Variants in EPB41L1 observed in about 807,000 individuals in gnomAD.
EPB41L1 encodes erythrocyte membrane protein band 4.1 like 1.
In EPB41L1, 29 loss-of-function variants were observed where a neutral mutation model predicts 97.8. That is an observed-to-expected ratio of 0.30 (90% CI 0.22 to 0.40). The LOEUF (loss-of-function observed/expected upper bound fraction) is 0.40. Among genes scored for constraint, EPB41L1 ranks in the 10% least tolerant of loss-of-function variants. The pLI, the probability that EPB41L1 is intolerant of heterozygous loss-of-function variation, is 1.00. For missense variants in EPB41L1, 812 were observed against 1,162.3 expected (o/e 0.70, Z 4.38); for synonymous variants, 383 against 459.2 (o/e 0.83, Z 2.12).
chr20:36,142,524 T>C (rs887720237), intron 2 of EPB41L1, among the ~76,000 whole-genome samples: 15 of 152,348 alleles, frequency 9.8e-5, no homozygotes, highest in South Asian at 2.1e-4. Context: ...AACCAGTTGA[T>C]AGCTGCATTG....
At chr20:36,163,533 T>TTCTGACA (rs2060616571) in intron 1 of EPB41L1, among the ~76,000 whole-genome samples, 1 of 152,202 alleles carries the variant, frequency 6.6e-6, no homozygotes, top group Admixed American at 6.5e-5. Flanking sequence ...GAGCATCAGG[T>TTCTGACA]GGTGGATCAG....
chr20:36,207,480 T>C lies in EPB41L1; in HGVS notation c.1669-2008T>C. ...TTCGGATATTTGAGACCCACGGAGC[T>C]GAAACTCGCCGAATGAGTGAGGGTG... is the stretch of plus-strand genomic sequence containing the variant. On this transcript the variant is annotated intron_variant, in intron 14 of 21. Coordinates refer to ENST00000338074, the MANE Select transcript of EPB41L1 (RefSeq NM_012156.2). This position sits in a 1 kb window ranked among gnomAD's most constrained non-coding sequence, Gnocchi z 4.9. 1 of 1,289,842 alleles carries C rather than the reference T, an allele frequency of 7.8e-7. No homozygotes were observed. The highest frequency in any genetic ancestry group is 1.0e-6 in the Non-Finnish European group (1 of 988,866). The allele number at this position is 1,289,842 out of a possible 1,614,324, so 79.9% of individuals were successfully genotyped here. A position where few individuals can be genotyped will look rare whatever the true frequency, so the allele number is the denominator to read the frequency against.
rs1451317449 is a variant in EPB41L1 at position 36,179,201 on chromosome 20, G to A, written c.490+529G>A. 4.0e-5 allele frequency among the ~76,000 whole-genome samples: 6 copies of A among 151,754 alleles called. No individual in the cohort carries two copies. In the South Asian group the frequency reaches 6.3e-4, roughly 16 times the overall value. ...AGTCTAAGGCCCAGAGAAGAGAGACGACTGTGCAGAGTCACACAGCAGGTT... is the reference window on the plus strand; with the variant it reads ...AGTCTAAGGCCCAGAGAAGAGAGACAACTGTGCAGAGTCACACAGCAGGTT... On this transcript the variant is annotated intron_variant, in intron 5 of 21. Coordinates refer to ENST00000338074, the MANE Select transcript of EPB41L1 (RefSeq NM_012156.2).
intron 21 of EPB41L1, among the ~76,000 whole-genome samples, chr20:36,224,088 G>C (rs1272799156): frequency 6.6e-6 from 1 of 152,154 alleles, no homozygotes; most frequent in Non-Finnish European, 1.5e-5. Context: ...GCTAACCTCT[G>C]GTCTGGACTA....
Position 36,175,541 on chromosome 20 carries a change from G to A in EPB41L1, c.178-10G>A. 1 of 1,614,160 alleles carries A rather than the reference G, an allele frequency of 6.2e-7. No homozygotes were observed. The highest frequency in any genetic ancestry group is 8.5e-7 in the Non-Finnish European group (1 of 1,180,018). ...CACTGAGCAAACTATTCCCTTGCTT[G>A]GTCCTGCAGAGCCTAGACATGGAGG... On this transcript the variant is annotated splice_polypyrimidine_tract_variant and intron_variant, in intron 2 of 21. Coordinates refer to ENST00000338074, the MANE Select transcript of EPB41L1 (RefSeq NM_012156.2).
At chr20:36,168,496 G>A (rs774543634) in intron 1 of EPB41L1, among the ~76,000 whole-genome samples, 15 of 150,896 alleles carry the variant, frequency 9.9e-5, no homozygotes, top group African/African-American at 1.5e-4. Context: ...TAGACCCTAC[G>A]TCTCAGGCTT....
At chr20:36,184,621 T>C (rs2146199874) in intron 6 of EPB41L1, among the ~76,000 whole-genome samples, 1 of 152,256 alleles carries the variant, frequency 6.6e-6, no homozygotes, top group East Asian at 1.9e-4. Flanking sequence ...CTCTAAGGCC[T>C]GGGTATGAAA....
At position 36,207,271 on chromosome 20, in the gene EPB41L1, G is replaced by A; in HGVS notation, c.1669-2217G>A. Reference sequence around the variant, plus strand: ...GTTTGTGGTGTCCCCTGCCACAGGAGGTGAGCGCAGGCCTCCTCCCATCAC... The same window carrying A: ...GTTTGTGGTGTCCCCTGCCACAGGAAGTGAGCGCAGGCCTCCTCCCATCAC... On this transcript the variant is annotated intron_variant, in intron 14 of 21. Transcript: ENST00000338074. The surrounding 1 kb of genome is among the most constrained non-coding windows in gnomAD (Gnocchi z 4.9). 1 of 1,278,278 alleles carries A rather than the reference G, an allele frequency of 7.8e-7. No individual in the cohort carries two copies. The highest frequency in any genetic ancestry group is 1.0e-6 in the Non-Finnish European group (1 of 981,824). 79.2% of individuals were successfully genotyped at this position (1,278,278 alleles called of 1,614,324 possible).
rs1470504744 is a variant in EPB41L1, at chr20:36,195,885, GC to G, written c.1485+523del. Among the ~76,000 whole-genome samples the G allele has an allele frequency of 6.6e-6, 1 of 152,144 alleles. No homozygotes were observed. Among genetic ancestry groups the G allele is most frequent in the African/African-American group, 2.4e-5 (1 of 41,446 alleles). On this transcript the variant is annotated intron_variant, in intron 13 of 21. Coordinates refer to ENST00000338074, the MANE Select transcript of EPB41L1 (RefSeq NM_012156.2). This position sits in a 1 kb window ranked among gnomAD's most constrained non-coding sequence, Gnocchi z 4.6. ...GGGATTGGGGGTGGGGGAGGGAGGT[GC>G]CTCAGAGCACACCTGCATCTGCCCC...
At position 36,232,643 on chromosome 20, in the gene EPB41L1, A is replaced by G. The variant is rs1370893211; in HGVS notation, c.*3303A>G. 1.0e-5 allele frequency: 4 copies of G among 398,618 alleles called. No individual in the cohort carries two copies. The highest frequency in any genetic ancestry group is 2.1e-5 in the African/African-American group (1 of 48,456). The allele number at this position is 398,618 out of a possible 1,614,324, so 24.7% of individuals were successfully genotyped here. ...TTTTTTTTTCAAAAGCACCTTAACAACCAATTGCGATGCTGTCCTGTTCCT... is the reference window on the plus strand; with the variant it reads ...TTTTTTTTTCAAAAGCACCTTAACAGCCAATTGCGATGCTGTCCTGTTCCT... On this transcript the variant is annotated 3_prime_UTR_variant, in exon 22 of 22. Coordinates refer to ENST00000338074, the MANE Select transcript of EPB41L1 (RefSeq NM_012156.2).
rs1200283149 is a variant in EPB41L1 at position 36,219,672 on chromosome 20, C to T, written c.2356-89C>T. On this transcript the variant is annotated intron_variant, in intron 18 of 21. Coordinates refer to ENST00000338074, the MANE Select transcript of EPB41L1 (RefSeq NM_012156.2). The stretch of plus-strand genomic sequence containing the variant: ...TCTTGGCTTCGAAACGTCACCTTCA[C>T]AGAGCCCTTTACCCCACCCCGCCCT... 2.7e-5 allele frequency: 30 copies of T among 1,101,724 alleles called. No individual in the cohort carries two copies. The South Asian group carries it at 2.7e-4, about 10-fold the overall frequency. The allele number at this position is 1,101,724 out of a possible 1,614,324, so 68.2% of individuals were successfully genotyped here. A position where few individuals can be genotyped will look rare whatever the true frequency, so the allele number is the denominator to read the frequency against.
chr20:36,140,419 A>G (rs2059595944), intron 2 of EPB41L1, among the ~76,000 whole-genome samples: 1 of 152,064 alleles, frequency 6.6e-6, no homozygotes, highest in South Asian at 2.1e-4. Flanking sequence ...ATACACTTGG[A>G]TGTCAGACAC....
Position 36,137,370 on chromosome 20 carries a change from T to C in EPB41L1, c.-10+24890T>C, listed in dbSNP as rs576743253. Among the ~76,000 whole-genome samples, 125 of 148,918 alleles carry C rather than the reference T, an allele frequency of 8.4e-4. 1 individual carries two copies. Among genetic ancestry groups the C allele is most frequent in the African/African-American group, 2.9e-3 (116 of 40,380 alleles). On this transcript the variant is annotated intron_variant, in intron 2 of 19. Coordinates refer to the EPB41L1 transcript ENST00000202028. ...GGACTATAGGCATGAGCCACTGCGC[T>C]GGGGCAGCTAATTAAAAAAAATTTT...
At chr20:36,131,734 C>T (rs1360168376) in intron 2 of EPB41L1, among the ~76,000 whole-genome samples, 1 of 152,166 alleles carries the variant, frequency 6.6e-6, no homozygotes, top group Admixed American at 6.5e-5. Flanking sequence ...GCTGATCTCT[C>T]ACCACCTAGT....
chr20:36,222,427 A>G (rs1388047234), intron 21 of EPB41L1, 33 bp downstream of exon 21: 2 of 1,552,364 alleles, frequency 1.3e-6, no homozygotes, highest in Admixed American at 1.7e-5. Flanking sequence ...ACCATGAGAG[A>G]GAGGAGGGAG....
intron 19 of EPB41L1, among the ~76,000 whole-genome samples, chr20:36,221,604 C>G (rs2063784344): frequency 6.6e-6 from 1 of 152,218 alleles, no homozygotes; most frequent in Non-Finnish European, 1.5e-5. Context: ...CATTGCCAAC[C>G]AGGGTCTGAG....
In EPB41L1 at chr20:36,185,255, C is replaced by G. The variant is rs148438227; in HGVS notation, c.705C>G (p.Asn235Lys). The G allele has an allele frequency of 7.4e-6, 12 of 1,613,852 alleles. No homozygotes were observed. Among genetic ancestry groups the G allele is most frequent in the Non-Finnish European group, 1.0e-5 (12 of 1,180,054 alleles). ...GDYDAEEHVG[N>K]YVSELRFAPN... The stretch of plus-strand genomic sequence containing the variant: ...ATGATGCTGAGGAGCATGTGGGCAA[C>G]TATGTCAGCGAGCTCCGCTTCGCCC... Residue 235 changes from asparagine (N) to lysine (K), a missense_variant, in exon 7 of 22, where the codon AAC becomes AAG. Physicochemically the swap from Asn to Lys is moderately conservative, Grantham distance 94. Transcript: ENST00000338074.
rs1364916507 is a variant in EPB41L1, at chr20:36,207,553, C to A, written c.1669-1935C>A. ...CGTATCTTCAGAGGCACCCGTGGGACAAGCAGAGCAGCAGCGGAGTACGCT... is the reference window on the plus strand; with the variant it reads ...CGTATCTTCAGAGGCACCCGTGGGAAAAGCAGAGCAGCAGCGGAGTACGCT... On this transcript the variant is annotated intron_variant, in intron 14 of 21. Coordinates refer to ENST00000338074, the MANE Select transcript of EPB41L1 (RefSeq NM_012156.2). The surrounding 1 kb of genome is among the most constrained non-coding windows in gnomAD (Gnocchi z 4.9). 1.6e-6 allele frequency: 2 copies of A among 1,289,896 alleles called. No homozygotes were observed. Among genetic ancestry groups the A allele is most frequent in the East Asian group, 5.6e-5 (1 of 18,012 alleles). 79.9% of individuals were successfully genotyped at this position (1,289,896 alleles called of 1,614,324 possible).
chr20:36,171,814 G>A lies in EPB41L1; in HGVS notation c.-14-1950G>A, dbSNP rs780056528. Among the ~76,000 whole-genome samples the A allele has an allele frequency of 3.9e-5, 6 of 152,280 alleles. No homozygotes were observed. In the Middle Eastern group the frequency reaches 0.01, roughly 259 times the overall value. ...TGTCTGTCTATCAGAGGCCTCCCACGATGGATGGTGCAGGGGAGAGGGCGT... is the reference window on the plus strand; with the variant it reads ...TGTCTGTCTATCAGAGGCCTCCCACAATGGATGGTGCAGGGGAGAGGGCGT... On this transcript the variant is annotated intron_variant, in intron 1 of 21. Coordinates refer to ENST00000338074, the MANE Select transcript of EPB41L1 (RefSeq NM_012156.2).
Sources: allele counts gnomAD v4.1 joint callset (sites outside exome capture counted in the v4.1 genomes callset), GRCh38; gene constraint gnomAD v4.1.1; non-coding constraint Gnocchi (gnomAD v3.1); transcripts MANE v1.5; gene names NCBI Gene and HGNC (gene_info 2026-07-23, HGNC 2026-07-21).